The following KCNIP4 variants were observed in gnomAD, a reference collection of about 807,000 sequenced individuals.
KCNIP4 encodes potassium voltage-gated channel interacting protein 4, also known as Kv channel-interacting protein 4.
A neutral mutation model predicts 34.0 loss-of-function variants in KCNIP4; 12 were observed. That is an observed-to-expected ratio of 0.35 (90% confidence interval 0.23 to 0.57). The LOEUF (loss-of-function observed/expected upper bound fraction) is 0.57. Among genes scored for constraint, KCNIP4 ranks in the 20% least tolerant of loss-of-function variants. The probability of loss-of-function intolerance (pLI) is 0.83; values close to 1 mark genes in which losing one functional copy is unlikely to be tolerated. For missense variants in KCNIP4, 238 were observed against 311.7 expected, an observed-to-expected ratio of 0.76 and a Z score of 1.78; for synonymous variants, 124 against 102.2, an observed-to-expected ratio of 1.21 and a Z score of -1.29.
chr4:20,863,675 G>T (rs2149497950), intron 2 of KCNIP4, among the ~76,000 whole-genome samples: 1 of 151,028 alleles, frequency 6.6e-6, no homozygotes, highest in Non-Finnish European at 1.5e-5. Flanking sequence ...ACAGCTTAAA[G>T]GCTAGAAGCA....
chr4:21,050,610 A>G (rs1001238325), intron 1 of KCNIP4, among the ~76,000 whole-genome samples: 1 of 152,216 alleles, frequency 6.6e-6, no homozygotes, highest in African/African-American at 2.4e-5. Context: ...TAATTCTATA[A>G]ACCTTTCACA....
chr4:21,387,948 G>A (rs867300439), intron 1 of KCNIP4, among the ~76,000 whole-genome samples: 4 of 152,112 alleles, frequency 2.6e-5, no homozygotes, highest in Non-Finnish European at 5.9e-5. Flanking sequence ...CATAATGGAC[G>A]TCAGGGACAG....
chr4:21,115,824 A>G (rs1408962301), intron 1 of KCNIP4, among the ~76,000 whole-genome samples: 2 of 152,224 alleles, frequency 1.3e-5, no homozygotes, highest in Non-Finnish European at 2.9e-5. Context: ...AAAACAAGAT[A>G]TATTAAAACC....
chr4:21,910,638 A>C (rs1728253296), intron 1 of KCNIP4, among the ~76,000 whole-genome samples: 1 of 152,218 alleles, frequency 6.6e-6, no homozygotes, highest in Non-Finnish European at 1.5e-5. Flanking sequence ...ATTTGGGAAA[A>C]ATCAAAGCCA....
intron 1 of KCNIP4, among the ~76,000 whole-genome samples, chr4:21,180,245 T>A (rs1754742429): frequency 6.6e-6 from 1 of 152,146 alleles, no homozygotes; most frequent in Non-Finnish European, 1.5e-5. Flanking sequence ...AAAATGCTCT[T>A]AAAGTAATTC....
intron 2 of KCNIP4, among the ~76,000 whole-genome samples, chr4:20,859,118 A>G (rs1468766576): frequency 6.6e-6 from 1 of 152,316 alleles, no homozygotes; most frequent in East Asian, 1.9e-4. Flanking sequence ...GGGCACCTTC[A>G]GGAGATCACC....
At chr4:21,704,333 T>C (rs1364111874) in intron 1 of KCNIP4, among the ~76,000 whole-genome samples, 2 of 152,158 alleles carry the variant, frequency 1.3e-5, no homozygotes, top group African/African-American at 4.8e-5. Context: ...TCCAAAAACA[T>C]GAGCCATAAA....
intron 1 of KCNIP4, among the ~76,000 whole-genome samples, chr4:21,822,123 C>T (rs916741128): frequency 6.6e-6 from 1 of 152,280 alleles, no homozygotes; most frequent in East Asian, 1.9e-4. Context: ...AGGATTTCTA[C>T]CTGGCATCCT....
chr4:21,222,223 T>C (rs1758028827), intron 1 of KCNIP4, among the ~76,000 whole-genome samples: 1 of 152,214 alleles, frequency 6.6e-6, no homozygotes, highest in African/African-American at 2.4e-5. Context: ...CCAGTTTTTG[T>C]TGTATTTTAG....
chr4:21,040,750 T>C (rs1187585658), intron 1 of KCNIP4, among the ~76,000 whole-genome samples: 2 of 152,070 alleles, frequency 1.3e-5, no homozygotes, highest in African/African-American at 2.4e-5. Flanking sequence ...GACTCATGAA[T>C]GGGATCCCAG....
chr4:20,732,610 G>A (rs1408216609), intron 7 of KCNIP4, 71 bp downstream of exon 7: 11 of 899,258 alleles, frequency 1.2e-5, no homozygotes, highest in East Asian at 4.8e-5. Context: ...TTGAATCATC[G>A]TGGTGCATGG....
intron 1 of KCNIP4, among the ~76,000 whole-genome samples, chr4:21,451,455 C>T (rs1239733028): frequency 6.6e-6 from 1 of 152,112 alleles, no homozygotes; most frequent in Non-Finnish European, 1.5e-5. Context: ...ATTTTGGTTC[C>T]ACTAACTTAA....
chr4:21,721,199 T>C (rs1043877620), intron 1 of KCNIP4, among the ~76,000 whole-genome samples: 1 of 152,098 alleles, frequency 6.6e-6, no homozygotes, highest in Non-Finnish European at 1.5e-5. Context: ...GACCTAAAAG[T>C]AGAGATTCAG....
Position 21,197,188 on chromosome 4 carries a change from G to A in KCNIP4, c.62-314479C>T, listed in dbSNP as rs60788620. On this transcript the variant is annotated intron_variant, in intron 1 of 8. Coordinates refer to ENST00000382152, the MANE Select transcript of KCNIP4 (RefSeq NM_025221.6). ...GGTGTCTGGGTTGTTTCTAATATTT[G>A]GTTATTGTGAATATTAACTATTGCG... Among the ~76,000 whole-genome samples, 1,359 of 152,028 alleles carry A rather than the reference G, an allele frequency of 8.9e-3. 18 individuals are homozygous for A. Among genetic ancestry groups the A allele is most frequent in the African/African-American group, 0.03 (1,253 of 41,458 alleles).
At chr4:20,967,528 TA>T (rs1200313626) in intron 1 of KCNIP4, among the ~76,000 whole-genome samples, 2 of 152,178 alleles carry the variant, frequency 1.3e-5, no homozygotes, top group African/African-American at 4.8e-5. Context: ...GACTTCAAAC[TA>T]TACTACAAGG....
intron 1 of KCNIP4, among the ~76,000 whole-genome samples, chr4:21,131,887 C>T (rs1751099345): frequency 6.6e-6 from 1 of 152,168 alleles, no homozygotes; most frequent in Non-Finnish European, 1.5e-5. Flanking sequence ...CTTAGAAACA[C>T]TTGGTTAATA....
chr4:21,759,665 G>C (rs1177328185), intron 1 of KCNIP4, among the ~76,000 whole-genome samples: 1 of 152,064 alleles, frequency 6.6e-6, no homozygotes, highest in Non-Finnish European at 1.5e-5. Flanking sequence ...CCTGGTATCA[G>C]CTTCTCAATT....
chr4:21,151,404 CAATT>C (rs1181823078), intron 1 of KCNIP4, among the ~76,000 whole-genome samples: 3 of 66,714 alleles, frequency 4.5e-5, no homozygotes, highest in African/African-American at 2.4e-4. Flanking sequence ...CAACAAAAGA[CAATT>C]TTTTTTTTTT....
intron 1 of KCNIP4, among the ~76,000 whole-genome samples, chr4:21,006,210 C>T (rs1291972525): frequency 6.6e-6 from 1 of 152,144 alleles, no homozygotes; most frequent in Non-Finnish European, 1.5e-5. Context: ...CTTAAGAAAC[C>T]TGCATGCAGA....
Sources: allele counts gnomAD v4.1 joint callset (sites outside exome capture counted in the v4.1 genomes callset), GRCh38; gene constraint gnomAD v4.1.1; transcripts MANE v1.5; gene names NCBI Gene and HGNC (gene_info 2026-07-23, HGNC 2026-07-21).